The following PMM2 variants were observed in gnomAD, a reference collection of about 807,000 sequenced individuals.
The protein encoded by PMM2 is phosphomannomutase 2.
PMM2 carries 35 observed loss-of-function variants against 33.2 expected under a neutral mutation model. That is an observed-to-expected ratio of 1.06 (90% CI 0.81 to 1.40). The LOEUF (loss-of-function observed/expected upper bound fraction) is 1.40. Among genes scored for constraint, PMM2 ranks in the 40% most tolerant of loss-of-function variants. The probability of loss-of-function intolerance (pLI) is 0.00; values close to 1 mark genes in which losing one functional copy is unlikely to be tolerated. For synonymous variants in PMM2, 153 were observed against 114.7 expected (o/e 1.33, Z -2.13); for missense variants, 386 against 306.0 (o/e 1.26, Z -1.95).
At chr16:8,801,706 A>C (rs1180068057) in intron 1 of PMM2, 93 bp from the exon 2 acceptor site, 2 of 795,400 alleles carry the variant, frequency 2.5e-6, no homozygotes, top group Non-Finnish European at 4.0e-6. Context: ...TAAATAAGAA[A>C]ATAAGACTTA....
intron 2 of PMM2, among the ~76,000 whole-genome samples, chr16:8,802,566 C>T (rs950930589): frequency 2.6e-5 from 4 of 152,170 alleles, no homozygotes; most frequent in Non-Finnish European, 4.4e-5. Flanking sequence ...CGGTGGCTCA[C>T]GCTTATAATC....
intron 7 of PMM2, among the ~76,000 whole-genome samples, chr16:8,846,666 C>A (rs2060927657): frequency 6.6e-6 from 1 of 152,082 alleles, no homozygotes; most frequent in Non-Finnish European, 1.5e-5. Flanking sequence ...CGTCATCTTA[C>A]CAAGGTGTGA....
intron 7 of PMM2, among the ~76,000 whole-genome samples, chr16:8,842,666 A>G (rs551412762): frequency 6.6e-6 from 1 of 152,276 alleles, no homozygotes; most frequent in Admixed American, 6.5e-5. Flanking sequence ...AGGCAAAACA[A>G]TTTGGTTGAT....
intron 7 of PMM2, among the ~76,000 whole-genome samples, chr16:8,820,982 A>G (rs1374912494): frequency 7.8e-6 from 1 of 128,386 alleles, no homozygotes; most frequent in Non-Finnish European, 1.7e-5. Flanking sequence ...TAGGCTTTGG[A>G]TGGCAGTTGG....
intron 4 of PMM2, chr16:8,808,031 A>T (rs1389258768): frequency 6.6e-6 from 1 of 152,192 alleles, no homozygotes; most frequent in Non-Finnish European, 1.5e-5. Context: ...TTACTATGTA[A>T]CACCTTAATC....
intron 7 of PMM2, chr16:8,832,100 T>C (rs1320494819): frequency 1.0e-6 from 1 of 976,234 alleles, no homozygotes; most frequent in Non-Finnish European, 1.2e-6. Context: ...TCATTTGGGG[T>C]CCGCTTCACT....
chr16:8,833,121 C>T (rs371182488), intron 7 of PMM2, among the ~76,000 whole-genome samples: 3 of 152,170 alleles, frequency 2.0e-5, no homozygotes, highest in Non-Finnish European at 4.4e-5. Context: ...TGGGTGCAGG[C>T]GGGCTGAGTC....
At position 8,811,445 on chromosome 16, in the gene PMM2, G is replaced by T. The variant is rs139934122; in HGVS notation, c.448-193G>T. ...TGAGGTAAGAGGATCACTTGTGCCTGGGAGGTTGAAGCTGCTGTGAGCTAT... is the reference window on the plus strand; with the variant it reads ...TGAGGTAAGAGGATCACTTGTGCCTTGGAGGTTGAAGCTGCTGTGAGCTAT... On this transcript the variant is annotated intron_variant, in intron 5 of 7. Transcript: ENST00000268261. 2.0e-5 allele frequency among the ~76,000 whole-genome samples: 3 copies of T among 152,316 alleles called. No individual in the cohort carries two copies. In the East Asian group the frequency reaches 5.8e-4, roughly 29 times the overall value.
intron 7 of PMM2, among the ~76,000 whole-genome samples, chr16:8,838,395 C>G (rs1005058920): frequency 6.6e-6 from 1 of 151,964 alleles, no homozygotes; most frequent in African/African-American, 2.4e-5. Flanking sequence ...GCTCAGAGGC[C>G]TGACATTCCT....
chr16:8,821,345 T>C (rs1386515842), intron 7 of PMM2, among the ~76,000 whole-genome samples: 1 of 152,164 alleles, frequency 6.6e-6, no homozygotes, highest in Non-Finnish European at 1.5e-5. Context: ...GAGCTTCAGA[T>C]GTTCCTGCTA....
intron 7 of PMM2, among the ~76,000 whole-genome samples, chr16:8,847,103 A>G (rs147999591): frequency 0.012 from 1,805 of 152,224 alleles, 34 homozygotes; most frequent in African/African-American, 0.039. Flanking sequence ...ACCTCAAGTG[A>G]TCCACCCTTC....
At chr16:8,819,851 G>A (rs1252657812) in intron 7 of PMM2, among the ~76,000 whole-genome samples, 1 of 152,170 alleles carries the variant, frequency 6.6e-6, no homozygotes, top group Non-Finnish European at 1.5e-5. Context: ...CCCTCTTACA[G>A]AGGAAGCACA....
chr16:8,813,025 A>G lies in PMM2; in HGVS notation c.558A>G (p.Gly186=), dbSNP rs1445311295. The part of the protein sequence containing the change: ...GQISFDVFPD[G]WDKRYCLRHV... ...TCAGCTTTGATGTCTTTCCTGATGGATGGGACAAGAGATACTGTCTGCGAC... is the reference window on the plus strand; with the variant it reads ...TCAGCTTTGATGTCTTTCCTGATGGGTGGGACAAGAGATACTGTCTGCGAC... The change falls in exon 7 of 8, where the codon GGA becomes GGG. Residue 186 remains glycine (G), a synonymous_variant. Transcript: ENST00000268261. 1 of 1,613,570 alleles carries G rather than the reference A, an allele frequency of 6.2e-7. No individual in the cohort carries two copies. The highest frequency in any genetic ancestry group is 1.7e-5 in the Admixed American group (1 of 60,020).
At chr16:8,812,288 G>A (rs1567160428) in intron 6 of PMM2, among the ~76,000 whole-genome samples, 1 of 152,222 alleles carries the variant, frequency 6.6e-6, no homozygotes, top group Non-Finnish European at 1.5e-5. Flanking sequence ...TCTTCCTGCA[G>A]CACGGACATC....
intron 2 of PMM2, among the ~76,000 whole-genome samples, chr16:8,803,312 C>G (rs565564532): frequency 6.6e-6 from 1 of 151,974 alleles, no homozygotes; most frequent in Admixed American, 6.6e-5. Context: ...TGCTATAAAC[C>G]GCATACTGGG....
intron 2 of PMM2, among the ~76,000 whole-genome samples, chr16:8,804,031 G>GTTTTTTGTTT (rs778630854): frequency 1.1e-4 from 10 of 87,476 alleles, no homozygotes; most frequent in Non-Finnish European, 2.3e-4. Context: ...GGTTTTTTTT[G>GTTTTTTGTTT]TTTTTTTTTT....
chr16:8,829,770 G>A (rs1225856221), intron 7 of PMM2, among the ~76,000 whole-genome samples: 1 of 152,236 alleles, frequency 6.6e-6, no homozygotes, highest in Non-Finnish European at 1.5e-5. Flanking sequence ...TGACCAACCA[G>A]ACAAACTAGG....
intron 7 of PMM2, among the ~76,000 whole-genome samples, chr16:8,814,610 C>T (rs1451981969): frequency 1.3e-5 from 2 of 152,160 alleles, no homozygotes; most frequent in African/African-American, 2.4e-5. Context: ...AAACTGAAAC[C>T]CATAAAGGGT....
intron 1 of PMM2, among the ~76,000 whole-genome samples, chr16:8,800,615 AT>A (rs757297447): frequency 6.0e-5 from 9 of 150,896 alleles, no homozygotes; most frequent in South Asian, 2.1e-4. Flanking sequence ...ACTCTTTTAC[AT>A]TTTTGTTTTG....
Sources: gnomAD v4.1 joint callset for allele counts (sites outside exome capture counted in the v4.1 genomes callset) on GRCh38, gnomAD v4.1.1 for gene constraint, MANE v1.5 for transcripts, NCBI Gene and HGNC (gene_info 2026-07-23, HGNC 2026-07-21) for gene names.